Variants in PPIP5K2 observed in about 807,000 individuals in gnomAD.
The protein encoded by PPIP5K2 is inositol hexakisphosphate and diphosphoinositol-pentakisphosphate kinase 2.
PPIP5K2 carries 105 observed loss-of-function variants against 154.6 expected under a neutral mutation model. The ratio of observed to expected loss-of-function variants is 0.68; its 90% confidence interval spans 0.58 to 0.80. The LOEUF (loss-of-function observed/expected upper bound fraction) is 0.80, where lower values mean the gene tolerates loss of function less well. PPIP5K2 is among the 30% of genes least tolerant of loss of function. PPIP5K2 has a pLI of 0.00. For synonymous variants in PPIP5K2, 480 were observed against 490.3 expected (o/e 0.98, Z 0.28); for missense variants, 992 against 1,504.6 (o/e 0.66, Z 5.64).
chr5:103,149,790 G>A (rs1299681770), intron 8 of PPIP5K2, among the ~76,000 whole-genome samples: 1 of 151,216 alleles, frequency 6.6e-6, no homozygotes, highest in East Asian at 1.9e-4. Context: ...TCTGCCTCCC[G>A]GGTTCAAGCG....
chr5:103,172,466 C>G (rs1452645192), intron 19 of PPIP5K2, among the ~76,000 whole-genome samples: 1 of 150,954 alleles, frequency 6.6e-6, no homozygotes, highest in Non-Finnish European at 1.5e-5. Context: ...GTGTTTCTTT[C>G]CTCTTCCCTT....
chr5:103,188,972 A>G (rs959979318), intron 28 of PPIP5K2: 1 of 409,374 alleles, frequency 2.4e-6, no homozygotes, highest in Non-Finnish European at 4.3e-6. Flanking sequence ...CTTTTTTAAT[A>G]TTGTGTTGTC....
Position 103,148,098 on chromosome 5 carries a change from G to A in PPIP5K2, c.744+66G>A, listed in dbSNP as rs191936104. On this transcript the variant is annotated intron_variant, in intron 7 of 30. Coordinates refer to ENST00000358359, the MANE Select transcript of PPIP5K2 (RefSeq NM_001276277.3). ...TTTACCAATGATATCAGAAAAAGTA[G>A]TTAATCTTTAGCTATATCTAACCTT... 6 of 1,152,638 alleles carry A rather than the reference G, an allele frequency of 5.2e-6. No homozygotes were observed. The East Asian group carries it at 1.4e-4, about 27-fold the overall frequency. 71.4% of individuals were successfully genotyped at this position (1,152,638 alleles called of 1,614,324 possible).
intron 26 of PPIP5K2, 46 bp from the exon 27 acceptor site, chr5:103,186,274 A>G (rs1800362996): frequency 1.9e-6 from 3 of 1,610,998 alleles, no homozygotes; most frequent in Non-Finnish European, 2.5e-6. Flanking sequence ...CCCAATGTGA[A>G]TGGAAGAACA....
Position 103,158,295 on chromosome 5 carries a change from A to G in PPIP5K2, c.1597A>G (p.Met533Val). ...AGAACTTGGAAGAGCCTTCAGGTGT[A>G]TGTATCCTGGAGGTCAAGGTAAATC... ...AEELGRAFRCMYPGGQGDYAG... is the reference protein window; with the variant it reads ...AEELGRAFRCVYPGGQGDYAG... The change falls in exon 15 of 31, where the codon ATG (methionine) becomes GTG (valine). Residue 533 changes from methionine to valine, a missense_variant. This residue lies in a region of PPIP5K2 where 163 missense variants were observed against 285.2 expected (regional missense o/e 0.57). Coordinates refer to ENST00000358359, the MANE Select transcript of PPIP5K2 (RefSeq NM_001276277.3). 4 of 1,613,988 alleles carry G rather than the reference A, an allele frequency of 2.5e-6. No homozygotes were observed. Among genetic ancestry groups the G allele is most frequent in the Non-Finnish European group, 3.4e-6 (4 of 1,179,942 alleles).
rs1554231247 is a variant in PPIP5K2, at chr5:103,203,128, G to C, written c.*1494G>C. ...TAAGTTTTCTGTTTGTGAAAATGTA[G>C]TTAATGTACTCACTGTGGAGGTCAT... On this transcript the variant is annotated 3_prime_UTR_variant, in exon 31 of 31. Transcript: ENST00000358359. 1.3e-5 allele frequency: 2 copies of C among 152,428 alleles called. No homozygotes were observed. The highest frequency in any genetic ancestry group is 4.8e-5 in the African/African-American group (2 of 41,402). 9.4% of individuals were successfully genotyped at this position (152,428 alleles called of 1,614,324 possible). A position where few individuals can be genotyped will look rare whatever the true frequency, so the allele number is the denominator to read the frequency against.
At position 103,201,535 on chromosome 5, in the gene PPIP5K2, T is replaced by A. The variant is rs1554230330; in HGVS notation, c.3633T>A (p.Pro1211=). The A allele has an allele frequency of 6.3e-7, 1 of 1,599,528 alleles. No homozygotes were observed. The highest frequency in any genetic ancestry group is 8.5e-7 in the Non-Finnish European group (1 of 1,174,058). Residue 1211 remains proline (P), a synonymous_variant, in exon 31 of 31, where the codon CCT becomes CCA. Transcript: ENST00000358359. The part of the protein sequence containing the change: ...KASSKPATSG[P]SSAVVPNTSS... ...TGTTTTATGTAGCTACAAGTGGACC[T>A]TCTAGTGCAGTTGTTCCTAATACCT...
In PPIP5K2 at chr5:103,135,935, A is replaced by G. The variant is rs371066580; in HGVS notation, c.311-797A>G. On this transcript the variant is annotated intron_variant, in intron 3 of 30. Transcript: ENST00000358359. ...TTCTGCTCATATATTTTGAGCATAT[A>G]TGTCATATATGAATTAAGTTTTGCT... 1.6e-4 allele frequency: 23 copies of G among 139,844 alleles called. 1 individual carries two copies. Among genetic ancestry groups the G allele is most frequent in the African/African-American group, 6.1e-4 (23 of 37,924 alleles). The allele number at this position is 139,844 out of a possible 1,614,324, so 8.7% of individuals were successfully genotyped here. A position where few individuals can be genotyped will look rare whatever the true frequency, so the allele number is the denominator to read the frequency against.
intron 28 of PPIP5K2, among the ~76,000 whole-genome samples, chr5:103,188,313 T>G (rs567199868): frequency 1.3e-5 from 2 of 152,254 alleles, no homozygotes; most frequent in African/African-American, 4.8e-5. Context: ...GAACTCTTTT[T>G]CTTTTTAACT....
intron 27 of PPIP5K2, 46 bp from the exon 28 acceptor site, chr5:103,187,268 T>C (rs1554225459): frequency 7.0e-7 from 1 of 1,426,352 alleles, no homozygotes; most frequent in South Asian, 1.2e-5. Context: ...AAGTGTTCTT[T>C]TTGTAGCTGT....
Position 103,186,444 on chromosome 5 carries a change from G to GTGCACACA in PPIP5K2, c.3289+14_3289+21dup, listed in dbSNP as rs782694369. On this transcript the variant is annotated splice_donor_region_variant and intron_variant, in intron 27 of 30. Coordinates refer to ENST00000358359, the MANE Select transcript of PPIP5K2 (RefSeq NM_001276277.3). ...CCTCTTCTGGCTGCATAGATGGTAT[G>GTGCACACA]TGCACACATGCACACACAGATTCAT... is the stretch of plus-strand genomic sequence containing the variant. 1.9e-5 allele frequency: 31 copies of GTGCACACA among 1,613,724 alleles called. No homozygotes were observed. In the Middle Eastern group the frequency reaches 5.0e-4, roughly 26 times the overall value.
At chr5:103,141,609 G>A (rs1347788699) in intron 5 of PPIP5K2, among the ~76,000 whole-genome samples, 1 of 152,122 alleles carries the variant, frequency 6.6e-6, no homozygotes, top group South Asian at 2.1e-4. Flanking sequence ...GGTTCTCCAC[G>A]TCCCCATCAG....
chr5:103,151,115 T>C, intron 8 of PPIP5K2, 138 bp from the exon 9 acceptor site: 1 of 570,082 alleles, frequency 1.8e-6, no homozygotes, highest in Non-Finnish European at 2.8e-6. Flanking sequence ...TTCTTTCATT[T>C]CTTATTATGA....
chr5:103,136,568 A>G (rs999305009), intron 3 of PPIP5K2, among the ~76,000 whole-genome samples, 164 bp from the exon 4 acceptor site: 1 of 152,204 alleles, frequency 6.6e-6, no homozygotes, highest in East Asian at 1.9e-4. Flanking sequence ...GATTTAATAT[A>G]TAAGTTAAAT....
chr5:103,193,804 C>T (rs1554227605), intron 29 of PPIP5K2, among the ~76,000 whole-genome samples: 1 of 152,150 alleles, frequency 6.6e-6, no homozygotes, highest in Non-Finnish European at 1.5e-5. Context: ...TGCTGCCTCT[C>T]CCTTTGTTTA....
chr5:103,136,587 A>G (rs1429849373), intron 3 of PPIP5K2, 145 bp from the exon 4 acceptor site: 4 of 605,856 alleles, frequency 6.6e-6, no homozygotes, highest in Non-Finnish European at 1.2e-5. Context: ...ATCAAGGTTT[A>G]TGTATATATT....
At chr5:103,147,209 T>G (rs1793895446) in intron 6 of PPIP5K2, among the ~76,000 whole-genome samples, 1 of 151,916 alleles carries the variant, frequency 6.6e-6, no homozygotes, top group Non-Finnish European at 1.5e-5. Flanking sequence ...AACAATATAA[T>G]TTAGCAATGT....
At chr5:103,150,420 C>G (rs1428335036) in intron 8 of PPIP5K2, among the ~76,000 whole-genome samples, 1 of 152,092 alleles carries the variant, frequency 6.6e-6, no homozygotes, top group Non-Finnish European at 1.5e-5. Flanking sequence ...TTTCTTCACC[C>G]AGATAAAGTA....
At chr5:103,121,983 G>C (rs374506274) in intron 1 of PPIP5K2, among the ~76,000 whole-genome samples, 35 of 152,250 alleles carry the variant, frequency 2.3e-4, no homozygotes, top group African/African-American at 8.4e-4. Context: ...AAGGAATTGT[G>C]GTTATGTAGG....
Sources: allele counts gnomAD v4.1 joint callset (sites outside exome capture counted in the v4.1 genomes callset), GRCh38; gene constraint gnomAD v4.1.1; regional missense constraint gnomAD v4.1.1; transcripts MANE v1.5; gene names NCBI Gene and HGNC (gene_info 2026-07-23, HGNC 2026-07-21).